SHISA9: variants seen among roughly 807,000 people sequenced by gnomAD.
SHISA9 encodes the protein protein shisa-9.
SHISA9 carries 13 observed loss-of-function variants against 38.0 expected under a neutral mutation model. That is an observed-to-expected ratio of 0.34 (90% confidence interval 0.22 to 0.54). The LOEUF (loss-of-function observed/expected upper bound fraction) is 0.54. Ranked by LOEUF, SHISA9 falls within the 20% of genes least tolerant of loss-of-function variation. The pLI, the probability that SHISA9 is intolerant of heterozygous loss-of-function variation, is 0.91. For missense variants in SHISA9, 538 were observed against 575.8 expected (o/e 0.93, Z 0.67); for synonymous variants, 275 against 242.0 (o/e 1.14, Z -1.27).
chr16:13,471,615 T>C, the SHISA9 span, among the ~76,000 whole-genome samples: 3 of 152,084 alleles, frequency 2.0e-5, no homozygotes, highest in Non-Finnish European at 4.4e-5. Context: ...AGGAAGAAAG[T>C]AGATCAGATC....
At chr16:12,946,310 T>C (rs1174552408) in intron 2 of SHISA9, among the ~76,000 whole-genome samples, 2 of 152,228 alleles carry the variant, frequency 1.3e-5, no homozygotes, top group Non-Finnish European at 2.9e-5. Flanking sequence ...CTTAGGATTT[T>C]CTTGGCTATA....
the SHISA9 span, among the ~76,000 whole-genome samples, chr16:13,466,293 G>T: frequency 6.6e-6 from 1 of 152,216 alleles, no homozygotes. Flanking sequence ...TGGGATGATT[G>T]ATCTGGACAA....
intron 2 of SHISA9, among the ~76,000 whole-genome samples, chr16:13,054,001 C>T (rs924683284): frequency 1.3e-5 from 2 of 152,132 alleles, no homozygotes; most frequent in African/African-American, 2.4e-5. Flanking sequence ...CAGCTGGAAG[C>T]TTCATCTCTT....
At chr16:13,046,444 CTTA>C (rs1218901221) in intron 2 of SHISA9, among the ~76,000 whole-genome samples, 1 of 152,172 alleles carries the variant, frequency 6.6e-6, no homozygotes, top group Non-Finnish European at 1.5e-5. Context: ...AGGGAGGATT[CTTA>C]TTATGGCTTT....
chr16:13,237,217 A>C lies in SHISA9; in HGVS notation c.*1808A>C, dbSNP rs2051393686. The C allele has an allele frequency of 6.6e-6, 1 of 152,228 alleles. No individual in the cohort carries two copies. The highest frequency in any genetic ancestry group is 2.4e-5 in the African/African-American group (1 of 41,456). 9.4% of individuals were successfully genotyped at this position (152,228 alleles called of 1,614,324 possible). ...TCCACTCTGACATCACGAAATCAGCAAAACCAGATATTTATTCTCCTCACT... is the reference window on the plus strand; with the variant it reads ...TCCACTCTGACATCACGAAATCAGCCAAACCAGATATTTATTCTCCTCACT... On this transcript the variant is annotated 3_prime_UTR_variant, in exon 5 of 5. Coordinates refer to ENST00000558583, the MANE Select transcript of SHISA9 (RefSeq NM_001145204.3).
chr16:13,189,282 A>G (rs1368383708), intron 2 of SHISA9, among the ~76,000 whole-genome samples: 2 of 152,212 alleles, frequency 1.3e-5, no homozygotes, highest in Non-Finnish European at 2.9e-5. Context: ...GGTAGAAGGA[A>G]GATGCTCAAG....
chr16:13,075,560 C>T (rs1011648291), intron 2 of SHISA9, among the ~76,000 whole-genome samples: 5 of 152,172 alleles, frequency 3.3e-5, no homozygotes, highest in South Asian at 2.1e-4. Context: ...GGATCCTTCT[C>T]GTTCTGAAAA....
intron 2 of SHISA9, among the ~76,000 whole-genome samples, chr16:13,163,074 G>T (rs2050609243): frequency 1.3e-5 from 2 of 152,142 alleles, no homozygotes; most frequent in Non-Finnish European, 1.5e-5. Flanking sequence ...TGATTTTAAA[G>T]AACTTGGACA....
intron 4 of SHISA9, among the ~76,000 whole-genome samples, chr16:13,224,694 A>C (rs204024): frequency 0.72 from 109,777 of 151,992 alleles, 39,838 homozygotes; most frequent in East Asian, 0.82. Flanking sequence ...AAAAAAGATA[A>C]CTTTATATAG....
At chr16:13,448,316 G>A in the SHISA9 span, among the ~76,000 whole-genome samples, 2 of 152,190 alleles carry the variant, frequency 1.3e-5, no homozygotes, top group South Asian at 4.1e-4. Context: ...TTTAAATAGT[G>A]GAACACGCCT....
At chr16:13,037,947 C>T (rs1307909811) in intron 2 of SHISA9, among the ~76,000 whole-genome samples, 1 of 152,130 alleles carries the variant, frequency 6.6e-6, no homozygotes, top group Non-Finnish European at 1.5e-5. Flanking sequence ...ACTTGGGGAT[C>T]CCTGAAAGCA....
At chr16:13,135,417 C>T (rs932177952) in intron 2 of SHISA9, among the ~76,000 whole-genome samples, 4 of 152,212 alleles carry the variant, frequency 2.6e-5, no homozygotes, top group African/African-American at 7.2e-5. Context: ...TCTACATCAT[C>T]ATAGTCTTTC....
chr16:13,443,529 C>A, the SHISA9 span, among the ~76,000 whole-genome samples: 6 of 152,156 alleles, frequency 3.9e-5, no homozygotes, highest in African/African-American at 9.7e-5. Flanking sequence ...TTTAAAGTAG[C>A]AATCCAACAT....
At chr16:13,347,802 AT>A in the SHISA9 span, among the ~76,000 whole-genome samples, 2 of 149,770 alleles carry the variant, frequency 1.3e-5, no homozygotes, top group Non-Finnish European at 3.0e-5. Context: ...GAGCTCCTCA[AT>A]TTTTTTTCTG....
At chr16:13,507,530 G>T in the SHISA9 span, among the ~76,000 whole-genome samples, 1 of 152,150 alleles carries the variant, frequency 6.6e-6, no homozygotes. Flanking sequence ...GTTTTGGGAG[G>T]TCTGAAAGGC....
intron 2 of SHISA9, among the ~76,000 whole-genome samples, chr16:13,156,951 A>G (rs182888236): frequency 5.3e-4 from 80 of 152,314 alleles, no homozygotes; most frequent in African/African-American, 1.8e-3. Flanking sequence ...AGTGTTTTTT[A>G]TATAGAATGT....
At chr16:13,199,437 C>T (rs1178214362) in intron 2 of SHISA9, among the ~76,000 whole-genome samples, 1 of 152,188 alleles carries the variant, frequency 6.6e-6, no homozygotes, top group Non-Finnish European at 1.5e-5. Flanking sequence ...CATGGACAGC[C>T]TTCCCTCTGG....
At chr16:13,093,402 C>G (rs957098281) in intron 2 of SHISA9, among the ~76,000 whole-genome samples, 1 of 152,180 alleles carries the variant, frequency 6.6e-6, no homozygotes, top group Non-Finnish European at 1.5e-5. Context: ...TAAGACTTAT[C>G]TTGCAGGGAT....
chr16:13,505,032 G>T, the SHISA9 span, among the ~76,000 whole-genome samples: 1 of 152,214 alleles, frequency 6.6e-6, no homozygotes, highest in African/African-American at 2.4e-5. Context: ...TTAGAGAAAG[G>T]CTGCTCGGTG....
Sources: gnomAD v4.1 joint callset for allele counts (sites outside exome capture counted in the v4.1 genomes callset) on GRCh38, gnomAD v4.1.1 for gene constraint, MANE v1.5 for transcripts, NCBI Gene and HGNC (gene_info 2026-07-23, HGNC 2026-07-21) for gene names.